OTUD7A: variants seen among roughly 807,000 people sequenced by gnomAD.
OTUD7A encodes the protein OTU domain-containing protein 7A.
In OTUD7A, 12 loss-of-function variants were observed where a neutral mutation model predicts 65.7. That is an observed-to-expected ratio of 0.18 (90% confidence interval 0.12 to 0.30). The LOEUF is 0.30. OTUD7A is among the 10% of genes least tolerant of loss of function. The pLI is 1.00. For synonymous variants in OTUD7A, 641 were observed against 586.3 expected (o/e 1.09, Z -1.35); for missense variants, 1,148 against 1,304.8 (o/e 0.88, Z 1.85).
At chr15:31,804,002 A>C (rs1348639919) in intron 1 of OTUD7A, among the ~76,000 whole-genome samples, 12 of 152,174 alleles carry the variant, frequency 7.9e-5, no homozygotes, top group Non-Finnish European at 1.3e-4. Flanking sequence ...GGTACATCAG[A>C]TGCCTCCCTA....
chr15:31,703,037 G>GA (rs753730789), intron 1 of OTUD7A, among the ~76,000 whole-genome samples: 2 of 151,620 alleles, frequency 1.3e-5, no homozygotes, highest in Non-Finnish European at 2.9e-5. Flanking sequence ...CAAAAAACAA[G>GA]AAAAAAAGAA....
chr15:31,542,873 A>G (rs1316693993), intron 5 of OTUD7A, among the ~76,000 whole-genome samples: 11 of 151,922 alleles, frequency 7.2e-5, no homozygotes, highest in Non-Finnish European at 1.5e-5. Context: ...CTGGCAATCT[A>G]TAATACTAGA....
intron 1 of OTUD7A, among the ~76,000 whole-genome samples, chr15:31,730,083 A>T (rs569955280): frequency 1.7e-4 from 26 of 152,208 alleles, no homozygotes; most frequent in Non-Finnish European, 2.5e-4. Context: ...TCATGAATGG[A>T]ATTCGTGCCC....
Position 31,479,663 on chromosome 15 carries a change from G to C in OTUD7A, c.*3631C>G, listed in dbSNP as rs1387578511. On this transcript the variant is annotated 3_prime_UTR_variant, in exon 13 of 13. Coordinates refer to ENST00000307050, the MANE Select transcript of OTUD7A (RefSeq NM_001382637.1). ...AAAATAAGTTTGTGGACACTAAGTG[G>C]GGGGGGGGGGTGATGGGCCCATGAC... 1 of 138,490 alleles carries C rather than the reference G, an allele frequency of 7.2e-6. No individual in the cohort carries two copies. The highest frequency in any genetic ancestry group is 2.1e-4 in the East Asian group (1 of 4,852). 8.6% of individuals were successfully genotyped at this position (138,490 alleles called of 1,614,324 possible).
chr15:31,516,102 C>G (rs2041850344), intron 8 of OTUD7A, among the ~76,000 whole-genome samples: 1 of 152,218 alleles, frequency 6.6e-6, no homozygotes, highest in South Asian at 2.1e-4. Context: ...GGAGTTGGAC[C>G]ATGCCCAGCA....
At chr15:31,584,547 C>T (rs7165706) in intron 3 of OTUD7A, among the ~76,000 whole-genome samples, 49,910 of 152,130 alleles carry the variant, frequency 0.33, 10,726 homozygotes, top group African/African-American at 0.61. Flanking sequence ...GGGATGCCTA[C>T]GTCACCTTAA....
intron 2 of OTUD7A, among the ~76,000 whole-genome samples, chr15:31,655,558 G>A (rs1891966151): frequency 1.3e-5 from 2 of 152,038 alleles, no homozygotes; most frequent in South Asian, 4.2e-4. Flanking sequence ...GATGGAGAAA[G>A]ACAGTGCCAT....
intron 5 of OTUD7A, among the ~76,000 whole-genome samples, chr15:31,554,383 G>A (rs970785032): frequency 3.3e-5 from 5 of 152,148 alleles, no homozygotes; most frequent in Non-Finnish European, 7.3e-5. Flanking sequence ...CCATTTGGCC[G>A]CCGTTACACA....
intron 8 of OTUD7A, among the ~76,000 whole-genome samples, chr15:31,520,641 T>C (rs1158793274): frequency 6.6e-6 from 1 of 152,034 alleles, no homozygotes; most frequent in African/African-American, 2.4e-5. Context: ...AAAACAAAAA[T>C]AGATGTTGGT....
chr15:31,674,000 A>G (rs1240523579), intron 1 of OTUD7A, among the ~76,000 whole-genome samples: 1 of 152,204 alleles, frequency 6.6e-6, no homozygotes, highest in African/African-American at 2.4e-5. Flanking sequence ...CACTAAACCT[A>G]CCTTCATACT....
At chr15:31,503,438 C>T (rs1486144500) in intron 9 of OTUD7A, among the ~76,000 whole-genome samples, 2 of 152,208 alleles carry the variant, frequency 1.3e-5, no homozygotes, top group African/African-American at 2.4e-5. Context: ...AGACAGGAGC[C>T]CCTCTGGGCT....
chr15:31,527,357 A>G, intron 6 of OTUD7A, 49 bp from the exon 7 acceptor site: 1 of 1,599,718 alleles, frequency 6.3e-7, no homozygotes, highest in Non-Finnish European at 8.5e-7. Context: ...GACATGAGAA[A>G]AGACAAGCCA....
At chr15:31,740,656 T>C (rs142020436) in intron 1 of OTUD7A, among the ~76,000 whole-genome samples, 4 of 152,126 alleles carry the variant, frequency 2.6e-5, no homozygotes, top group Admixed American at 2.0e-4. Flanking sequence ...GTGAAACAAA[T>C]AGAAAGTACA....
At chr15:31,839,822 T>C (rs12914342) in intron 1 of OTUD7A, among the ~76,000 whole-genome samples, 61,505 of 152,064 alleles carry the variant, frequency 0.4, 14,809 homozygotes, top group Non-Finnish European at 0.53. Context: ...AACTCTTATA[T>C]CAAGGCTGGG....
intron 1 of OTUD7A, among the ~76,000 whole-genome samples, chr15:31,737,891 C>CCCA (rs1313505425): frequency 6.6e-6 from 1 of 152,184 alleles, no homozygotes; most frequent in Admixed American, 6.5e-5. Flanking sequence ...GAATCATGGA[C>CCCA]AGTCACTGGT....
intron 1 of OTUD7A, among the ~76,000 whole-genome samples, chr15:31,769,370 C>T (rs963144291): frequency 3.3e-5 from 5 of 152,264 alleles, no homozygotes; most frequent in Admixed American, 3.3e-4. Context: ...CTTCAAATTA[C>T]ATGAAGCAAA....
At chr15:31,588,733 A>G (rs1889622715) in intron 3 of OTUD7A, among the ~76,000 whole-genome samples, 1 of 152,168 alleles carries the variant, frequency 6.6e-6, no homozygotes, top group South Asian at 2.1e-4. Context: ...GGATCCAGGT[A>G]CCATCTTCCA....
intron 1 of OTUD7A, among the ~76,000 whole-genome samples, chr15:31,722,039 G>A (rs527397933): frequency 4.6e-5 from 7 of 152,230 alleles, no homozygotes; most frequent in Non-Finnish European, 7.3e-5. Context: ...TTAGACTAAG[G>A]GAGGATCTGC....
Position 31,659,037 on chromosome 15 carries a change from GAATGAATAAATA to G in OTUD7A, c.-99-1972_-99-1961del, listed in dbSNP as rs781322642. On this transcript the variant is annotated intron_variant, in intron 1 of 12. Transcript: ENST00000307050. Reference sequence around the variant, plus strand: ...TGAATGAATGAATGAATGAATGAATGAATGAATAAATAAATAAATAAATAAATAAATAAATAA... The same window carrying G: ...TGAATGAATGAATGAATGAATGAATGAATAAATAAATAAATAAATAAATAA... Among the ~76,000 whole-genome samples the G allele has an allele frequency of 1.3e-3, 155 of 118,616 alleles. No individual in the cohort carries two copies. The East Asian group carries it at 0.017, about 13-fold the overall frequency. The allele number at this position is 118,616 out of a possible 152,430, so 77.8% of individuals were successfully genotyped here. A position where few individuals can be genotyped will look rare whatever the true frequency, so the allele number is the denominator to read the frequency against.
Sources: allele counts gnomAD v4.1 joint callset (sites outside exome capture counted in the v4.1 genomes callset), GRCh38; gene constraint gnomAD v4.1.1; transcripts MANE v1.5; gene names NCBI Gene and HGNC (gene_info 2026-07-23, HGNC 2026-07-21).